The following CHTF18 variants were observed in gnomAD, a reference collection of about 807,000 sequenced individuals.
The protein encoded by CHTF18 is chromosome transmission fidelity protein 18 homolog.
Under a neutral mutation model 113.4 loss-of-function variants are expected in CHTF18, and 151 were observed. The ratio of observed to expected loss-of-function variants is 1.33; its 90% CI spans 1.17 to 1.52. The LOEUF is 1.52. Ranked by LOEUF, CHTF18 falls within the 40% of genes most tolerant of loss-of-function variation. The pLI is 0.00. For synonymous variants in CHTF18, 916 were observed against 598.8 expected (o/e 1.53, Z -7.74); for missense variants, 1,982 against 1,381.6 (o/e 1.43, Z -6.89).
chr16:796,556 C>A, intron 18 of CHTF18, 161 bp from the exon 19 acceptor site: 1 of 828,406 alleles, frequency 1.2e-6, no homozygotes, highest in Non-Finnish European at 1.8e-6. Context: ...GGCAGTTAAA[C>A]CTGGCTGCCG....
At position 795,741 on chromosome 16, in the gene CHTF18, C is replaced by G; in HGVS notation, c.2232C>G (p.Ile744Met). The change falls in exon 17 of 22, where the codon ATC (isoleucine) becomes ATG (methionine). Residue 744 changes from isoleucine to methionine, a missense_variant. Ile to Met is a conservative substitution (Grantham distance 10). Transcript: ENST00000262315. The stretch of plus-strand genomic sequence containing the variant: ...TGATCCAGACGCTGGTGTCCGGCAT[C>G]GCGCCAGCCACGCGCAGCCGGGCCA... ...RNLIQTLVSG[I>M]APATRSRATP... is the part of the protein sequence containing the mutation. 1.2e-6 allele frequency: 2 copies of G among 1,608,174 alleles called. No individual in the cohort carries two copies. Among genetic ancestry groups the G allele is most frequent in the African/African-American group, 1.4e-5 (1 of 73,764 alleles).
At position 794,916 on chromosome 16, in the gene CHTF18, G is replaced by C. The variant is rs2042295897; in HGVS notation, c.1951-216G>C. The C allele has an allele frequency of 4.8e-5, 28 of 580,118 alleles. No individual in the cohort carries two copies. In the South Asian group the frequency reaches 5.7e-4, roughly 12 times the overall value. 35.9% of individuals were successfully genotyped at this position (580,118 alleles called of 1,614,324 possible). On this transcript the variant is annotated intron_variant, in intron 15 of 21. Coordinates refer to ENST00000262315, the MANE Select transcript of CHTF18 (RefSeq NM_022092.3). ...AGCTGTAGCGAGGATGCTCAGGGTG[G>C]ACCCTCCCCCGACCCCTTGGGCCCA...
chr16:789,928 G>T, intron 4 of CHTF18: 1 of 1,493,552 alleles, frequency 6.7e-7, no homozygotes, highest in South Asian at 1.2e-5. Flanking sequence ...GCCTCGGGTG[G>T]AGAGGGCCTC....
In CHTF18 at chr16:795,827, T is replaced by A. The variant is rs2042328286; in HGVS notation, c.2318T>A (p.Leu773His). ...CLLLDILAPK[L>H]RPVSTQLYST... ...CTCCTGGACATTCTTGCACCCAAGCTCCGCCCCGTGAGTGCCGTCCCCGGG... is the reference window on the plus strand; with the variant it reads ...CTCCTGGACATTCTTGCACCCAAGCACCGCCCCGTGAGTGCCGTCCCCGGG... Residue 773 changes from leucine to histidine, a missense_variant, in exon 17 of 22, where the codon CTC becomes CAC. By Grantham distance (99) the Leu-to-His change is moderately conservative. Transcript: ENST00000262315. 6.2e-7 allele frequency: 1 copy of A among 1,609,086 alleles called. No individual in the cohort carries two copies. The highest frequency in any genetic ancestry group is 8.5e-7 in the Non-Finnish European group (1 of 1,178,480).
rs368121402 is a variant in CHTF18, at chr16:791,869, C to T, written c.1123C>T (p.Pro375Ser). The T allele has an allele frequency of 7.5e-6, 12 of 1,606,466 alleles. No homozygotes were observed. The highest frequency in any genetic ancestry group is 3.4e-5 in the Admixed American group (2 of 59,182). Residue 375 changes from proline (P) to serine (S), a missense_variant, in exon 9 of 22, where the codon CCC becomes TCC. Transcript: ENST00000262315. ...PKQKVALLCG[P>S]PGLGKTTLAH... ...GCTGCAGGTGGCACTGCTCTGTGGG[C>T]CCCCGGGGCTGGGGAAGACCACCCT... is the stretch of plus-strand genomic sequence containing the variant.
At chr16:791,797 G>A (rs764844967) in intron 8 of CHTF18, 54 bp from the exon 9 acceptor site, 174 of 1,543,940 alleles carry the variant, frequency 1.1e-4, no homozygotes, top group African/African-American at 3.5e-4. Flanking sequence ...CTGCTAGGCC[G>A]GGAGCGTCCT....
intron 9 of CHTF18, 63 bp from the exon 10 acceptor site, chr16:792,161 C>T: frequency 6.5e-7 from 1 of 1,533,262 alleles, no homozygotes; most frequent in Non-Finnish European, 8.8e-7. Flanking sequence ...CAGCCCCGGC[C>T]TTGGGAGGCT....
Position 789,127 on chromosome 16 carries a change from T to C in CHTF18, c.286+2T>C, listed in dbSNP as rs1421462094. On this transcript the variant is annotated splice_donor_variant, in intron 2 of 21. Transcript: ENST00000262315. LOFTEE classifies it high-confidence loss of function. ...AGCCGGCCGGGTCCCTGCCCCACGGTAGGTTGGCGGCATTGCCCCAGGGCC... is the reference window on the plus strand; with the variant it reads ...AGCCGGCCGGGTCCCTGCCCCACGGCAGGTTGGCGGCATTGCCCCAGGGCC... 31 of 1,542,680 alleles carry C rather than the reference T, an allele frequency of 2.0e-5. No homozygotes were observed. The highest frequency in any genetic ancestry group is 2.5e-5 in the Non-Finnish European group (29 of 1,143,436).
chr16:789,985 T>A, intron 4 of CHTF18, 192 bp from the exon 5 acceptor site: 1 of 1,535,302 alleles, frequency 6.5e-7, no homozygotes, highest in Non-Finnish European at 8.7e-7. Flanking sequence ...CTCCTAAAGC[T>A]GCCCCCAATT....
Position 788,930 on chromosome 16 carries a change from G to A in CHTF18, c.92-1G>A. On this transcript the variant is annotated splice_acceptor_variant, in intron 1 of 21. Coordinates refer to ENST00000262315, the MANE Select transcript of CHTF18 (RefSeq NM_022092.3). LOFTEE classifies it high-confidence loss of function. ...CCGCTGACAATCTCCTCTCCCAGCA[G>A]GGGCGTCGACTCCGTCGCCCTCCGG... 1 of 1,546,294 alleles carries A rather than the reference G, an allele frequency of 6.5e-7. No individual in the cohort carries two copies. The highest frequency in any genetic ancestry group is 8.7e-7 in the Non-Finnish European group (1 of 1,155,652).
At position 789,344 on chromosome 16, in the gene CHTF18, G is replaced by C; in HGVS notation, c.421G>C (p.Glu141Gln). The C allele has an allele frequency of 1.9e-6, 3 of 1,596,554 alleles. No homozygotes were observed. Among genetic ancestry groups the C allele is most frequent in the African/African-American group, 2.7e-5 (2 of 74,688 alleles). The change falls in exon 3 of 22, where the codon GAG (glutamate) becomes CAG (glutamine). Residue 141 changes from glutamate (E) to glutamine (Q), a missense_variant. Coordinates refer to ENST00000262315, the MANE Select transcript of CHTF18 (RefSeq NM_022092.3). Reference protein sequence around the residue: ...TPPPSPEDLAELWGHGVSEAA... With the variant: ...TPPPSPEDLAQLWGHGVSEAA... ...GCCGCCGAGCCCTGAGGACCTCGCA[G>C]AGCTTTGGGGCCACGGGTGTGTGGC...
In CHTF18 at chr16:795,323, A is replaced by G. The variant is rs2042306871; in HGVS notation, c.2142A>G (p.Thr714=). Residue 714 remains threonine (T), a synonymous_variant, in exon 16 of 22, where the codon ACA becomes ACG. Coordinates refer to ENST00000262315, the MANE Select transcript of CHTF18 (RefSeq NM_022092.3). ...AFHVLFASSH[T]PRITFPSSQQ... The stretch of plus-strand genomic sequence containing the variant: ...ATGTGCTGTTTGCTTCCAGCCACAC[A>G]CCCAGGATCACCTTCCCCAGCAGCC... 1.9e-6 allele frequency: 3 copies of G among 1,546,770 alleles called. No homozygotes were observed. In the South Asian group the frequency reaches 3.6e-5, roughly 18 times the overall value.
Position 795,439 on chromosome 16 carries a change from G to GC in CHTF18, c.2175+86dup, listed in dbSNP as rs1365913477. ...CCCGTGTGGCTGCCCCCGGCCCCGTGCCCGCCCCCCCAAACACACTGCCCG... is the reference window on the plus strand; with the variant it reads ...CCCGTGTGGCTGCCCCCGGCCCCGTGCCCCGCCCCCCCAAACACACTGCCCG... On this transcript the variant is annotated intron_variant, in intron 16 of 21. Transcript: ENST00000262315. 1.7e-3 allele frequency: 1,008 copies of GC among 595,712 alleles called. 35 individuals are homozygous for GC. In the African/African-American group the frequency reaches 0.019, roughly 11 times the overall value. The allele number at this position is 595,712 out of a possible 1,614,324, so 36.9% of individuals were successfully genotyped here. A position where few individuals can be genotyped will look rare whatever the true frequency, so the allele number is the denominator to read the frequency against.
Position 792,348 on chromosome 16 carries a change from G to T in CHTF18, c.1326+1G>T. The T allele has an allele frequency of 6.4e-7, 1 of 1,555,780 alleles. No homozygotes were observed. Among genetic ancestry groups the T allele is most frequent in the Non-Finnish European group, 8.7e-7 (1 of 1,150,376 alleles). On this transcript the variant is annotated splice_donor_variant, in intron 10 of 21. Coordinates refer to ENST00000262315, the MANE Select transcript of CHTF18 (RefSeq NM_022092.3). LOFTEE classifies it high-confidence loss of function. ...CGATGAGATCGACGGGGCCCCCGTG[G>T]TGGGCTCCTTGATGCCTGGGTAGGT... is the stretch of plus-strand genomic sequence containing the variant.
intron 18 of CHTF18, 192 bp from the exon 19 acceptor site, chr16:796,525 G>T (rs1324944729): frequency 3.1e-6 from 2 of 637,776 alleles, no homozygotes; most frequent in African/African-American, 3.7e-5. Context: ...TACACTTGCA[G>T]TTGGGGAAAC....
chr16:790,166 C>T lies in CHTF18; in HGVS notation c.607-11C>T, dbSNP rs774437476. 4.4e-6 allele frequency: 7 copies of T among 1,585,748 alleles called. No homozygotes were observed. The East Asian group carries it at 6.9e-5, about 16-fold the overall frequency. ...AGGGGCCCAGAGGCAATTGTCCTCC[C>T]TTCCCCACAGGGCTCTCTCCTCCAC... On this transcript the variant is annotated splice_polypyrimidine_tract_variant and intron_variant, in intron 4 of 21. Coordinates refer to ENST00000262315, the MANE Select transcript of CHTF18 (RefSeq NM_022092.3).
Position 789,694 on chromosome 16 carries a change from C to A in CHTF18, c.585C>A (p.Asp195Glu). 6.3e-7 allele frequency: 1 copy of A among 1,594,944 alleles called. No individual in the cohort carries two copies. The highest frequency in any genetic ancestry group is 8.5e-7 in the Non-Finnish European group (1 of 1,176,588). ...GGGCTTATCTGGTGCTGCGTGCTGA[C>A]CCCATGGCCCCGGGGGTGCAGGTGC... ...GVRAYLVLRADPMAPGVQGSL... is the reference protein window; with the variant it reads ...GVRAYLVLRAEPMAPGVQGSL... Residue 195 changes from aspartate to glutamate, a missense_variant, in exon 4 of 22, where the codon GAC becomes GAA. By Grantham distance (45) the Asp-to-Glu change is conservative. Transcript: ENST00000262315.
Position 795,749 on chromosome 16 carries a change from C to A in CHTF18, c.2240C>A (p.Ala747Asp). The stretch of plus-strand genomic sequence containing the variant: ...ACGCTGGTGTCCGGCATCGCGCCAG[C>A]CACGCGCAGCCGGGCCACGCCCCAG... ...IQTLVSGIAP[A>D]TRSRATPQAL... Residue 747 changes from alanine to aspartate, a missense_variant, in exon 17 of 22, where the codon GCC becomes GAC. By Grantham distance (126) the Ala-to-Asp change is moderately radical (BLOSUM62 -2). Transcript: ENST00000262315. 6.2e-7 allele frequency: 1 copy of A among 1,608,584 alleles called. No individual in the cohort carries two copies. Among genetic ancestry groups the A allele is most frequent in the Non-Finnish European group, 8.5e-7 (1 of 1,178,596 alleles).
rs1299771002 is a variant in CHTF18 at position 788,999 on chromosome 16, G to C, written c.160G>C (p.Glu54Gln). The change falls in exon 2 of 22, where the codon GAG becomes CAG. Residue 54 changes from glutamate to glutamine, a missense_variant. Glu to Gln is a conservative substitution (Grantham distance 29, BLOSUM62 2). Transcript: ENST00000262315. Reference sequence around the variant, plus strand: ...GGGCCGACCCCCGCGGACGTTCGAGGAGGCCCTTGCCAGAGGGGACGCGGC... The same window carrying C: ...GGGCCGACCCCCGCGGACGTTCGAGCAGGCCCTTGCCAGAGGGGACGCGGC... Reference protein sequence around the residue: ...TAGRPPRTFEEALARGDAASS... With the variant: ...TAGRPPRTFEQALARGDAASS... The C allele has an allele frequency of 6.4e-7, 1 of 1,560,372 alleles. No individual in the cohort carries two copies. The highest frequency in any genetic ancestry group is 1.2e-5 in the South Asian group (1 of 86,310).
Sources: allele counts gnomAD v4.1 joint callset, GRCh38; gene constraint gnomAD v4.1.1; transcripts MANE v1.5; gene names NCBI Gene and HGNC (gene_info 2026-07-23, HGNC 2026-07-21).